The following DNAH3 variants were observed in gnomAD, a reference collection of about 807,000 sequenced individuals.
DNAH3 encodes the protein axonemal beta dynein heavy chain 3.
A neutral mutation model predicts 432.5 loss-of-function variants in DNAH3; 332 were observed. That is an observed-to-expected ratio of 0.77 (90% CI 0.70 to 0.84). DNAH3 has a LOEUF of 0.84. Among genes scored for constraint, DNAH3 ranks in the 40% least tolerant of loss-of-function variants. The pLI, the probability that DNAH3 is intolerant of heterozygous loss-of-function variation, is 0.00. For synonymous variants in DNAH3, 1,956 were observed against 1,900.2 expected (o/e 1.03, Z -0.76); for missense variants, 4,861 against 5,114.0 (o/e 0.95, Z 1.51).
chr16:21,037,724 C>A (rs770057787), intron 34 of DNAH3, 37 bp downstream of exon 34: 2 of 1,580,608 alleles, frequency 1.3e-6, no homozygotes, highest in Non-Finnish European at 8.7e-7. Flanking sequence ...CAACATTGAG[C>A]CTTGGTCCTC....
intron 32 of DNAH3, among the ~76,000 whole-genome samples, chr16:21,040,379 T>A: frequency 7.0e-6 from 1 of 142,788 alleles, no homozygotes; most frequent in Middle Eastern, 3.5e-3. Flanking sequence ...TTTTTTTTTT[T>A]TTTTTTTAAG....
At chr16:21,146,198 C>G (rs753975234) in intron 1 of DNAH3, 110 bp from the exon 3 acceptor site, 3 of 661,234 alleles carry the variant, frequency 4.5e-6, no homozygotes, top group Non-Finnish European at 8.1e-6. Context: ...GTCCAGAGTT[C>G]TGGACCTAAA....
At position 21,054,421 on chromosome 16, in the gene DNAH3, G is replaced by A. The variant is rs191732881; in HGVS notation, c.4038C>T (p.His1346=). ...GACAGGGGAAGCCCCCTGGCTTACC[G>A]TGGACATCGATGACCGTGAGGGCCC... The change falls in exon 28 of 62, where the codon CAC becomes CAT. Residue 1346 remains histidine (H), a splice_region_variant and synonymous_variant. Coordinates refer to ENST00000261383, the Ensembl canonical transcript of DNAH3. The A allele has an allele frequency of 2.6e-5, 42 of 1,612,546 alleles. 1 individual carries two copies. Among genetic ancestry groups the A allele is most frequent in the South Asian group, 9.9e-5 (9 of 91,040 alleles).
rs144632032 is a variant in DNAH3 at position 21,060,554 on chromosome 16, C to T, written c.3721-198G>A. ...TTTTTTTTTTTTTTTGATACAGAGTCTCGCTCTGTCACCAGGCTGGAGTGC... is the reference window on the plus strand; with the variant it reads ...TTTTTTTTTTTTTTTGATACAGAGTTTCGCTCTGTCACCAGGCTGGAGTGC... On this transcript the variant is annotated intron_variant, in intron 25 of 61. Coordinates refer to ENST00000261383, the Ensembl canonical transcript of DNAH3. 1.4e-4 allele frequency among the ~76,000 whole-genome samples: 16 copies of T among 118,156 alleles called. No individual in the cohort carries two copies. The Admixed American group carries it at 1.7e-3, about 12-fold the overall frequency. The allele number at this position is 118,156 out of a possible 152,430, so 77.5% of individuals were successfully genotyped here. A position where few individuals can be genotyped will look rare whatever the true frequency, so the allele number is the denominator to read the frequency against.
In DNAH3 at chr16:21,019,849, C is replaced by A; in HGVS notation, c.5797G>T (p.Glu1933Ter). ...CCTTCACCTAATTCCATTTCCTCCT[C>A]TTCTACTGCCCTGATTTCATCTAAA... Residue 1933 changes from glutamate (E) to a stop codon, truncating the protein, a stop_gained, in exon 41 of 62, where the codon GAG becomes TAG. Coordinates refer to ENST00000261383, the Ensembl canonical transcript of DNAH3. LOFTEE classifies it high-confidence loss of function. The A allele has an allele frequency of 6.2e-7, 1 of 1,614,146 alleles. No homozygotes were observed. Among genetic ancestry groups the A allele is most frequent in the Non-Finnish European group, 8.5e-7 (1 of 1,180,010 alleles).
At chr16:21,021,555 G>C (rs543785409) in intron 40 of DNAH3, among the ~76,000 whole-genome samples, 6 of 152,108 alleles carry the variant, frequency 3.9e-5, no homozygotes, top group Non-Finnish European at 8.8e-5. Context: ...GCTTGTTCTA[G>C]ATCAAACAGC....
At chr16:20,977,860 C>T (rs1225069291) in intron 50 of DNAH3, among the ~76,000 whole-genome samples, 1 of 152,174 alleles carries the variant, frequency 6.6e-6, no homozygotes, top group Non-Finnish European at 1.5e-5. Flanking sequence ...TCAGACACGA[C>T]CGACCTCACC....
chr16:21,034,225 T>C, intron 35 of DNAH3, 140 bp from the exon 36 acceptor site: 2 of 595,084 alleles, frequency 3.4e-6, no homozygotes, highest in Non-Finnish European at 6.0e-6. Context: ...TTCGGTTCTT[T>C]TCATGGTCTA....
chr16:20,948,679 G>A (rs756994841), intron 56 of DNAH3, 42 bp from the exon 57 acceptor site: 4 of 1,606,930 alleles, frequency 2.5e-6, no homozygotes, highest in South Asian at 1.1e-5. Flanking sequence ...CCCAGGGAAG[G>A]TCATCACGAG....
intron 14 of DNAH3, among the ~76,000 whole-genome samples, chr16:21,108,564 A>G (rs967814564): frequency 9.9e-5 from 15 of 152,094 alleles, no homozygotes; most frequent in East Asian, 7.8e-4. Flanking sequence ...GGCAAATGGC[A>G]AAACTCCATC....
At chr16:21,045,632 G>T (rs2089659062) in intron 31 of DNAH3, among the ~76,000 whole-genome samples, 1 of 147,910 alleles carries the variant, frequency 6.8e-6, no homozygotes, top group East Asian at 2.0e-4. Context: ...CCAGCTCCTG[G>T]ATTCATTAAT....
At chr16:21,125,367 C>A in exon 9 of DNAH3, 1 of 1,598,178 alleles carries the variant, frequency 6.3e-7, no homozygotes, top group Admixed American at 1.7e-5. Flanking sequence ...AGGTGGGGAT[C>A]CACCTGTAAA....
chr16:20,969,140 C>T (rs62034881), intron 52 of DNAH3, among the ~76,000 whole-genome samples: 2,784 of 147,376 alleles, frequency 0.019, 38 homozygotes, highest in Non-Finnish European at 0.029. Context: ...CTCTTTCTCC[C>T]GATTTCCTTC....
chr16:21,036,641 C>T (rs2089184195), intron 35 of DNAH3, 73 bp downstream of exon 35: 1 of 1,405,654 alleles, frequency 7.1e-7, no homozygotes, highest in African/African-American at 1.4e-5. Flanking sequence ...TTCCAATCTC[C>T]TATAAGACTT....
At chr16:21,047,604 C>T (rs2089763601) in intron 31 of DNAH3, among the ~76,000 whole-genome samples, 1 of 150,294 alleles carries the variant, frequency 6.7e-6, no homozygotes, top group Admixed American at 6.6e-5. Context: ...TTTTCAACTT[C>T]TTTGCCTTTG....
chr16:21,131,494 G>A (rs573320554), intron 7 of DNAH3, among the ~76,000 whole-genome samples: 2,077 of 6,350 alleles, frequency 0.33, 52 homozygotes, highest in Admixed American at 0.35. Context: ...AAAAGAAAGA[G>A]AGATGAGAGA....
intron 37 of DNAH3, among the ~76,000 whole-genome samples, chr16:21,029,474 T>C (rs536404998): frequency 5.8e-4 from 88 of 152,310 alleles, no homozygotes; most frequent in Non-Finnish European, 7.4e-5. Flanking sequence ...TAGTAACTTA[T>C]CTAATCTTCG....
At chr16:21,019,815 C>T (rs770743345) in exon 41 of DNAH3, 7 of 1,614,134 alleles carry the variant, frequency 4.3e-6, no homozygotes, top group East Asian at 4.5e-5. Context: ...GATCTGTTGA[C>T]TTGACAGGCC....
rs1236332447 is a variant in DNAH3, at chr16:21,044,400, G to T, written c.4462-2197C>A. 2.0e-5 allele frequency among the ~76,000 whole-genome samples: 3 copies of T among 147,602 alleles called. No individual in the cohort carries two copies. In the East Asian group the frequency reaches 6.0e-4, roughly 30 times the overall value. ...AAGAGGTCCTTCACATCCCTTGTAA[G>T]TTGGATTCCTAGGTATTTTATTCTC... On this transcript the variant is annotated intron_variant, in intron 31 of 61. Coordinates refer to ENST00000261383, the Ensembl canonical transcript of DNAH3.
Sources: gnomAD v4.1 joint callset for allele counts (sites outside exome capture counted in the v4.1 genomes callset) on GRCh38, gnomAD v4.1.1 for gene constraint, MANE v1.5 for transcripts, NCBI Gene and HGNC (gene_info 2026-07-23, HGNC 2026-07-21) for gene names.